TLN2: variants seen among roughly 807,000 people sequenced by gnomAD.
TLN2 encodes talin-2.
In TLN2, 118 loss-of-function variants were observed where a neutral mutation model predicts 294.7. That is an observed-to-expected ratio of 0.40 (90% CI 0.34 to 0.47). The LOEUF (loss-of-function observed/expected upper bound fraction) is 0.47. Ranked by LOEUF, TLN2 falls within the 20% of genes least tolerant of loss-of-function variation. The pLI is 0.84. For synonymous variants in TLN2, 1,431 were observed against 1,304.5 expected, an observed-to-expected ratio of 1.10 and a Z score of -2.09; for missense variants, 3,083 against 3,282.2, an observed-to-expected ratio of 0.94 and a Z score of 1.48.
chr15:62,533,534 A>C (rs1385964698), intron 1 of TLN2, among the ~76,000 whole-genome samples: 4 of 152,126 alleles, frequency 2.6e-5, no homozygotes, highest in South Asian at 2.1e-4. Context: ...ATAGATAAGC[A>C]CATCTATATA....
At chr15:62,735,024 G>A (rs565890267) in intron 28 of TLN2, among the ~76,000 whole-genome samples, 2 of 152,166 alleles carry the variant, frequency 1.3e-5, no homozygotes, top group African/African-American at 4.8e-5. Flanking sequence ...ACTGATTTGC[G>A]TATTTTTCAC....
Position 62,800,723 on chromosome 15 carries a change from C to T in TLN2, c.6431C>T (p.Thr2144Ile), listed in dbSNP as rs11633796. ...GTGGAGGATGAGGCCACCCGGGGCACCAGGGCGCTTGAGGCCACAATTGAA... is the reference window on the plus strand; with the variant it reads ...GTGGAGGATGAGGCCACCCGGGGCATCAGGGCGCTTGAGGCCACAATTGAA... ...KAVEDEATRG[T>I]RALEATIECI... Residue 2144 changes from threonine to isoleucine, a missense_variant, in exon 50 of 59, where the codon ACC (threonine) becomes ATC (isoleucine). Physicochemically the swap from Thr to Ile is moderately conservative, Grantham distance 89 (BLOSUM62 -1). Transcript: ENST00000636159. 1.9e-6 allele frequency: 3 copies of T among 1,613,830 alleles called. No individual in the cohort carries two copies. The highest frequency in any genetic ancestry group is 1.3e-5 in the African/African-American group (1 of 75,028).
At chr15:62,631,809 G>C (rs2049929081) in intron 3 of TLN2, among the ~76,000 whole-genome samples, 1 of 151,226 alleles carries the variant, frequency 6.6e-6, no homozygotes, top group African/African-American at 2.4e-5. Flanking sequence ...TGAATTCCTG[G>C]GCTCAAACCA....
chr15:62,703,594 T>A (rs1024291175), intron 19 of TLN2, among the ~76,000 whole-genome samples: 14 of 148,832 alleles, frequency 9.4e-5, no homozygotes, highest in Non-Finnish European at 1.6e-4. Flanking sequence ...GAAGTTTATG[T>A]TTACTTCGAC....
chr15:62,554,405 A>G (rs1050358908), intron 1 of TLN2, among the ~76,000 whole-genome samples: 1 of 150,542 alleles, frequency 6.6e-6, no homozygotes, highest in Non-Finnish European at 1.5e-5. Context: ...TTTAAGCCCT[A>G]TTTATACCAG....
chr15:62,518,044 GT>G (rs80208271), intron 1 of TLN2, among the ~76,000 whole-genome samples: 9,808 of 148,812 alleles, frequency 0.066, 970 homozygotes, highest in African/African-American at 0.22. Flanking sequence ...GCTAGCAGCA[GT>G]TTTTTTTTTT....
intron 3 of TLN2, among the ~76,000 whole-genome samples, chr15:62,634,606 G>GT (rs1414126400): frequency 2.0e-5 from 3 of 152,084 alleles, no homozygotes; most frequent in South Asian, 2.1e-4. Context: ...AATTTGATTT[G>GT]TTTTTTTGCT....
intron 11 of TLN2, among the ~76,000 whole-genome samples, chr15:62,681,378 T>C (rs1050723703): frequency 2.0e-5 from 3 of 152,238 alleles, no homozygotes; most frequent in African/African-American, 7.2e-5. Flanking sequence ...GAAATTATAA[T>C]TAATAATGAT....
chr15:62,420,313 T>C (rs1194476214), intron 1 of TLN2, among the ~76,000 whole-genome samples: 1 of 152,158 alleles, frequency 6.6e-6, no homozygotes, highest in Non-Finnish European at 1.5e-5. Flanking sequence ...GATTAACCAG[T>C]CCAGATTTTT....
chr15:62,644,609 C>T (rs1012443741), intron 3 of TLN2: 8 of 456,084 alleles, frequency 1.8e-5, no homozygotes, highest in East Asian at 7.0e-5. Context: ...TGCTTCCCAG[C>T]TCTCTGAGCC....
At chr15:62,634,753 G>A (rs1028061010) in intron 3 of TLN2, among the ~76,000 whole-genome samples, 5 of 152,072 alleles carry the variant, frequency 3.3e-5, no homozygotes, top group Non-Finnish European at 2.9e-5. Flanking sequence ...TTTGTAATTC[G>A]GGTTCGATCT....
intron 3 of TLN2, chr15:62,638,080 A>T (rs564132988): frequency 6.4e-6 from 1 of 155,646 alleles, no homozygotes; most frequent in Non-Finnish European, 1.4e-5. Flanking sequence ...TCAAAATGCT[A>T]TGTGTCCATT....
chr15:62,669,682 A>C (rs146169903), intron 9 of TLN2, among the ~76,000 whole-genome samples: 1 of 152,290 alleles, frequency 6.6e-6, no homozygotes, highest in Non-Finnish European at 1.5e-5. Flanking sequence ...GACAGATTGC[A>C]CTTGTATACA....
intron 1 of TLN2, among the ~76,000 whole-genome samples, chr15:62,469,171 A>T (rs958695366): frequency 3.3e-5 from 5 of 152,206 alleles, no homozygotes; most frequent in African/African-American, 1.2e-4. Flanking sequence ...CTTCTTGACT[A>T]GAGTCAAAAA....
chr15:62,837,438 T>A (rs1194204280), intron 57 of TLN2, among the ~76,000 whole-genome samples: 1 of 152,190 alleles, frequency 6.6e-6, no homozygotes, highest in African/African-American at 2.4e-5. Context: ...ATCTGTAAAA[T>A]GGGGATAGAG....
chr15:62,570,545 A>ACT (rs2043780167), intron 1 of TLN2, among the ~76,000 whole-genome samples: 1 of 149,962 alleles, frequency 6.7e-6, no homozygotes, highest in South Asian at 2.1e-4. Context: ...TCTTTGTCCC[A>ACT]CTCTCTCTCT....
intron 1 of TLN2, among the ~76,000 whole-genome samples, chr15:62,483,463 T>C (rs1049683366): frequency 5.3e-5 from 8 of 152,222 alleles, no homozygotes; most frequent in Non-Finnish European, 1.0e-4. Flanking sequence ...TTGTGCTGTT[T>C]CCTTTAAAAA....
intron 1 of TLN2, among the ~76,000 whole-genome samples, chr15:62,552,514 G>A (rs1452810531): frequency 2.0e-5 from 3 of 152,124 alleles, no homozygotes; most frequent in African/African-American, 4.8e-5. Context: ...CTGTACACAA[G>A]TGTCCTTTTT....
At chr15:62,545,050 C>A (rs2041913669) in intron 1 of TLN2, among the ~76,000 whole-genome samples, 1 of 152,008 alleles carries the variant, frequency 6.6e-6, no homozygotes, top group Non-Finnish European at 1.5e-5. Context: ...CTGCCTCAGC[C>A]TCCCAAGTAG....
Sources: gnomAD v4.1 joint callset for allele counts (sites outside exome capture counted in the v4.1 genomes callset) on GRCh38, gnomAD v4.1.1 for gene constraint, MANE v1.5 for transcripts, NCBI Gene and HGNC (gene_info 2026-07-23, HGNC 2026-07-21) for gene names.